Variants in AGAP3 observed in about 807,000 individuals in gnomAD.
The protein encoded by AGAP3 is ArfGAP with GTPase domain, ankyrin repeat and PH domain 3.
AGAP3 carries 24 observed loss-of-function variants against 96.9 expected under a neutral mutation model. That is an observed-to-expected ratio of 0.25 (90% CI 0.18 to 0.35). The LOEUF (loss-of-function observed/expected upper bound fraction) is 0.35. Among genes scored for constraint, AGAP3 ranks in the 10% least tolerant of loss-of-function variants. AGAP3 has a pLI of 1.00. For synonymous variants in AGAP3, 563 were observed against 536.1 expected, an observed-to-expected ratio of 1.05 and a Z score of -0.69; for missense variants, 876 against 1,254.2, an observed-to-expected ratio of 0.70 and a Z score of 4.55.
Position 151,140,406 on chromosome 7 carries a change from G to A in AGAP3, c.1804+290G>A, listed in dbSNP as rs77631578. 9.0e-5 allele frequency: 21 copies of A among 232,324 alleles called. No homozygotes were observed. The highest frequency in any genetic ancestry group is 1.3e-4 in the South Asian group (1 of 7,616). 14.4% of individuals were successfully genotyped at this position (232,324 alleles called of 1,614,324 possible). A position where few individuals can be genotyped will look rare whatever the true frequency, so the allele number is the denominator to read the frequency against. On this transcript the variant is annotated intron_variant, in intron 13 of 17. Transcript: ENST00000397238. The surrounding 1 kb of genome is among the most constrained non-coding windows in gnomAD (Gnocchi z 5.4). ...CATCAATAGCTCCTCTAAGATGTTC[G>A]GGCAGGACCTGTGTTTTCTGTCTCT...
chr7:151,128,554 G>A (rs1800274943), intron 9 of AGAP3, 26 bp from the exon 10 acceptor site: 1 of 1,608,986 alleles, frequency 6.2e-7, no homozygotes, highest in Middle Eastern at 1.7e-4. Flanking sequence ...CTGGCTCCTG[G>A]TTTCTGATCA....
At chr7:151,092,296 G>T (rs755245727) in intron 1 of AGAP3, among the ~76,000 whole-genome samples, 1 of 152,152 alleles carries the variant, frequency 6.6e-6, no homozygotes, top group Non-Finnish European at 1.5e-5. Context: ...AGCCAAGGCT[G>T]GGGGGAGACA....
rs771596272 is a variant in AGAP3, at chr7:151,123,898, C to G, written c.1221+12C>G. On this transcript the variant is annotated intron_variant, in intron 9 of 17. Coordinates refer to ENST00000397238, the MANE Select transcript of AGAP3 (RefSeq NM_031946.7). ...TCCCCATCAAGCAGGTCAGCGCCTC[C>G]CTTCCCGTGTGCTCCAGGGCTCAGA... is the stretch of plus-strand genomic sequence containing the variant. 2.1e-5 allele frequency: 34 copies of G among 1,602,588 alleles called. No homozygotes were observed. The highest frequency in any genetic ancestry group is 2.9e-5 in the Non-Finnish European group (34 of 1,179,102).
In AGAP3 at chr7:151,108,304, C is replaced by T. The variant is rs921306972; in HGVS notation, c.332-8489C>T. Among the ~76,000 whole-genome samples the T allele has an allele frequency of 3.3e-5, 5 of 152,296 alleles. No individual in the cohort carries two copies. The South Asian group carries it at 6.2e-4, about 19-fold the overall frequency. ...AGTACCATCTGTAGTACTACAATAC[C>T]GCCATGTCACCGGCCTGGTGTCGAA... is the stretch of plus-strand genomic sequence containing the variant. On this transcript the variant is annotated intron_variant, in intron 1 of 17. Transcript: ENST00000397238. This position sits in a 1 kb window ranked among gnomAD's most constrained non-coding sequence, Gnocchi z 4.2.
At position 151,116,831 on chromosome 7, in the gene AGAP3, T is replaced by A. The variant is rs753276868; in HGVS notation, c.370T>A (p.Ser124Thr). Residue 124 changes from serine to threonine, a missense_variant, in exon 2 of 18, where the codon TCC becomes ACC. Transcript: ENST00000397238. ...VNSQEWTLSR[S>T]VPELKVGIVG... The stretch of plus-strand genomic sequence containing the variant: ...CAGCCAGGAGTGGACGCTGAGCCGC[T>A]CCGTACCGGAGCTTAAAGTGGTGAG... 2 of 1,614,046 alleles carry A rather than the reference T, an allele frequency of 1.2e-6. No individual in the cohort carries two copies.
intron 1 of AGAP3, among the ~76,000 whole-genome samples, chr7:151,107,146 C>T (rs1201205793): frequency 6.6e-6 from 1 of 151,820 alleles, no homozygotes; most frequent in African/African-American, 2.4e-5. Context: ...CCCGTCTCTA[C>T]TAAAAATACA....
chr7:151,105,834 T>TCACACA (rs1563445325), intron 1 of AGAP3, among the ~76,000 whole-genome samples: 3 of 81,416 alleles, frequency 3.7e-5, no homozygotes, highest in East Asian at 8.6e-4. Context: ...ACACACACAG[T>TCACACA]CAAGCATTGC....
chr7:151,135,079 G>A (rs1800541320), intron 11 of AGAP3, among the ~76,000 whole-genome samples: 1 of 152,180 alleles, frequency 6.6e-6, no homozygotes. Context: ...TTGCGTTCTT[G>A]CCTTTTCAAC....
At chr7:151,130,718 G>T (rs965007976) in intron 10 of AGAP3, among the ~76,000 whole-genome samples, 6 of 152,166 alleles carry the variant, frequency 3.9e-5, no homozygotes, top group Admixed American at 1.3e-4. Context: ...TACACACGGT[G>T]CAAAAGCACG....
At chr7:151,128,389 C>A in intron 9 of AGAP3, 191 bp from the exon 10 acceptor site, 1 of 561,776 alleles carries the variant, frequency 1.8e-6, no homozygotes, top group African/African-American at 1.9e-5. Flanking sequence ...GGGGGAGAGC[C>A]GAGTTCTGGG....
chr7:151,141,032 C>G lies in AGAP3; in HGVS notation c.1805-866C>G, dbSNP rs989306313. ...GGTGAGGCTGCCTGGGGCCAAGATG[C>G]AGTGAGGACTTACAAGCAGAGATGG... On this transcript the variant is annotated intron_variant, in intron 13 of 17. Coordinates refer to ENST00000397238, the MANE Select transcript of AGAP3 (RefSeq NM_031946.7). The surrounding 1 kb of genome is among the most constrained non-coding windows in gnomAD (Gnocchi z 4.2). 1.3e-5 allele frequency: 2 copies of G among 152,198 alleles called. No homozygotes were observed. The highest frequency in any genetic ancestry group is 1.3e-4 in the Admixed American group (2 of 15,274). The allele number at this position is 152,198 out of a possible 1,614,324, so 9.4% of individuals were successfully genotyped here.
intron 1 of AGAP3, among the ~76,000 whole-genome samples, chr7:151,097,403 G>A (rs1585040965): frequency 6.6e-6 from 1 of 151,512 alleles, no homozygotes. Context: ...CTGATGGTGG[G>A]CACCTGTAAT....
chr7:151,093,079 A>G (rs1367156311), intron 1 of AGAP3, among the ~76,000 whole-genome samples: 1 of 152,214 alleles, frequency 6.6e-6, no homozygotes, highest in Non-Finnish European at 1.5e-5. Context: ...GTAGCGTACA[A>G]TAGACAGATG....
At chr7:151,132,361 A>G (rs1164135534) in intron 10 of AGAP3, among the ~76,000 whole-genome samples, 1 of 152,184 alleles carries the variant, frequency 6.6e-6, no homozygotes, top group Non-Finnish European at 1.5e-5. Flanking sequence ...ACTTTAGCAC[A>G]TGTGTGCTCA....
intron 1 of AGAP3, among the ~76,000 whole-genome samples, chr7:151,090,733 G>C (rs1327384521): frequency 1.3e-5 from 2 of 152,168 alleles, no homozygotes; most frequent in Admixed American, 6.5e-5. Flanking sequence ...CACGAGGTCA[G>C]GAGATCGAGA....
chr7:151,140,140 C>T lies in AGAP3; in HGVS notation c.1804+24C>T, dbSNP rs981155880. On this transcript the variant is annotated intron_variant, in intron 13 of 17. Coordinates refer to ENST00000397238, the MANE Select transcript of AGAP3 (RefSeq NM_031946.7). The surrounding 1 kb of genome is among the most constrained non-coding windows in gnomAD (Gnocchi z 5.4). ...AGGTTAGGGGGACCCAGAGGGAAAC[C>T]GGGCACAGGAGGTGGGCAGTGGGAC... The T allele has an allele frequency of 6.4e-6, 10 of 1,551,292 alleles. No homozygotes were observed. Among genetic ancestry groups the T allele is most frequent in the South Asian group, 3.7e-5 (3 of 81,832 alleles).
chr7:151,118,435 G>A lies in AGAP3; in HGVS notation c.842-70G>A. 2 of 1,598,752 alleles carry A rather than the reference G, an allele frequency of 1.3e-6. No individual in the cohort carries two copies. Among genetic ancestry groups the A allele is most frequent in the Non-Finnish European group, 1.7e-6 (2 of 1,169,206 alleles). ...CCAGTGAGAGCAAGGCTGTGTGTCT[G>A]GGGGGAGGTGCTAAGCCAGGCTTTT... On this transcript the variant is annotated intron_variant, in intron 6 of 17. Coordinates refer to ENST00000397238, the MANE Select transcript of AGAP3 (RefSeq NM_031946.7). The surrounding 1 kb of genome is among the most constrained non-coding windows in gnomAD (Gnocchi z 6.1).
At chr7:151,125,744 T>TC (rs1300175826) in intron 9 of AGAP3, among the ~76,000 whole-genome samples, 3 of 152,018 alleles carry the variant, frequency 2.0e-5, no homozygotes, top group African/African-American at 7.3e-5. Flanking sequence ...TTCCTTCCCC[T>TC]CCCCCCAGCT....
chr7:151,128,539 G>T, intron 9 of AGAP3, 41 bp from the exon 10 acceptor site: 1 of 1,577,624 alleles, frequency 6.3e-7, no homozygotes, highest in Non-Finnish European at 8.7e-7. Flanking sequence ...CTATGACCTA[G>T]GGGGCTGGCT....
Sources: gnomAD v4.1 joint callset for allele counts (sites outside exome capture counted in the v4.1 genomes callset) on GRCh38, gnomAD v4.1.1 for gene constraint, Gnocchi (gnomAD v3.1) non-coding constraint, MANE v1.5 for transcripts, NCBI Gene and HGNC (gene_info 2026-07-23, HGNC 2026-07-21) for gene names.